The following LPP variants were observed in gnomAD, a reference collection of about 807,000 sequenced individuals.
The protein encoded by LPP is LIM domain containing preferred translocation partner in lipoma.
LPP carries 38 observed loss-of-function variants against 60.4 expected under a neutral mutation model. The observed-to-expected ratio is 0.63, with a 90% CI of 0.49 to 0.83. The LOEUF (loss-of-function observed/expected upper bound fraction) is 0.83. Among genes scored for constraint, LPP ranks in the 40% least tolerant of loss-of-function variants. The pLI is 0.00. For synonymous variants in LPP, 328 were observed against 290.8 expected (o/e 1.13, Z -1.30); for missense variants, 902 against 783.6 (o/e 1.15, Z -1.80).
chr3:188,221,722 TAAGAATATAATAGC>T (rs1395619713), intron 1 of LPP, among the ~76,000 whole-genome samples: 1 of 152,202 alleles, frequency 6.6e-6, no homozygotes, highest in Non-Finnish European at 1.5e-5. Context: ...TTATTTCACT[TAAGAATATAATAGC>T]AAGGTAGAAT....
intron 7 of LPP, among the ~76,000 whole-genome samples, chr3:188,638,111 C>A (rs1407007678): frequency 6.9e-6 from 1 of 144,006 alleles, no homozygotes; most frequent in Non-Finnish European, 1.5e-5. Context: ...TGCAAAAATC[C>A]TCAATAAAAT....
intron 9 of LPP, among the ~76,000 whole-genome samples, chr3:188,780,078 A>G (rs9836491): frequency 0.96 from 146,476 of 152,252 alleles, 70,501 homozygotes; most frequent in East Asian, 1. Context: ...TTAGACTAGA[A>G]CACCTATACG....
At chr3:188,633,990 TG>T (rs1282920236) in intron 7 of LPP, among the ~76,000 whole-genome samples, 2 of 152,078 alleles carry the variant, frequency 1.3e-5, no homozygotes, top group African/African-American at 2.4e-5. Flanking sequence ...AGACCAAAAC[TG>T]TACTACCATC....
chr3:188,451,376 G>C (rs1796552865), intron 4 of LPP, among the ~76,000 whole-genome samples: 1 of 152,154 alleles, frequency 6.6e-6, no homozygotes, highest in South Asian at 2.1e-4. Context: ...GGGTTTCTGA[G>C]TGGGAAAAAA....
At position 188,609,104 on chromosome 3, in the gene LPP, G is replaced by GTTTC; in HGVS notation, c.430-56_430-53dup. The GTTTC allele has an allele frequency of 7.9e-7, 1 of 1,262,616 alleles. No individual in the cohort carries two copies. Among genetic ancestry groups the GTTTC allele is most frequent in the African/African-American group, 1.5e-5 (1 of 65,998 alleles). 78.2% of individuals were successfully genotyped at this position (1,262,616 alleles called of 1,614,324 possible). A position where few individuals can be genotyped will look rare whatever the true frequency, so the allele number is the denominator to read the frequency against. On this transcript the variant is annotated intron_variant, in intron 6 of 11. Coordinates refer to ENST00000617246, the MANE Select transcript of LPP (RefSeq NM_001375462.1). This position sits in a 1 kb window ranked among gnomAD's most constrained non-coding sequence, Gnocchi z 6.9. ...TTTTTCATTTATTCATTTTTATTGA[G>GTTTC]TTTCGTTGGCAGTAATTTTTGCTTT...
intron 6 of LPP, among the ~76,000 whole-genome samples, chr3:188,592,562 T>TTTTTTTTTTTTTTTTTTTTTTTG (rs1560607436): frequency 3.7e-5 from 2 of 53,726 alleles, no homozygotes; most frequent in African/African-American, 5.9e-5. Flanking sequence ...TTTTTGTTTT[T>TTTTTTTTTTTTTTTTTTTTTTTG]TAAATGGAGT....
chr3:188,661,952 T>C (rs1439904706), intron 7 of LPP, among the ~76,000 whole-genome samples: 2 of 152,228 alleles, frequency 1.3e-5, no homozygotes, highest in African/African-American at 4.8e-5. Flanking sequence ...TTTGCATTCT[T>C]AAGTCAAGCT....
intron 2 of LPP, among the ~76,000 whole-genome samples, chr3:188,337,192 C>G (rs1043328151): frequency 6.6e-6 from 1 of 152,108 alleles, no homozygotes; most frequent in African/African-American, 2.4e-5. Flanking sequence ...GTAGCTTAGC[C>G]TTAGTGATGG....
At chr3:188,711,848 G>A (rs918410643) in intron 8 of LPP, 7 of 152,274 alleles carry the variant, frequency 4.6e-5, no homozygotes, top group African/African-American at 1.7e-4. Flanking sequence ...AATCAAGAGA[G>A]AGAAATGGAA....
intron 1 of LPP, among the ~76,000 whole-genome samples, chr3:188,194,284 C>T (rs188613914): frequency 2.0e-5 from 3 of 152,364 alleles, no homozygotes. Context: ...TTCAGCTTTA[C>T]ACCTTTTCTA....
intron 6 of LPP, among the ~76,000 whole-genome samples, chr3:188,530,903 C>A (rs1002613139): frequency 6.6e-6 from 1 of 152,122 alleles, no homozygotes; most frequent in African/African-American, 2.4e-5. Flanking sequence ...AGAAGCTATG[C>A]AGGGGTTGGA....
Position 188,609,180 on chromosome 3 carries a change from C to T in LPP, c.449C>T (p.Ala150Val), listed in dbSNP as rs1348089842. 2.5e-6 allele frequency: 4 copies of T among 1,610,730 alleles called. No individual in the cohort carries two copies. Among genetic ancestry groups the T allele is most frequent in the Non-Finnish European group, 2.5e-6 (3 of 1,177,796 alleles). ...TTTTAGAGCTCCACTGGTTCAACAG[C>T]CTCTCCTCCAGTTTCGACCCCAGTC... Reference protein sequence around the residue: ...RPPQSSTGSTASPPVSTPVTG... With the variant: ...RPPQSSTGSTVSPPVSTPVTG... Residue 150 changes from alanine (A) to valine (V), a missense_variant, in exon 7 of 12, where the codon GCC becomes GTC. Ala to Val is a moderately conservative substitution (Grantham distance 64). Transcript: ENST00000617246. The surrounding 1 kb of genome is among the most constrained non-coding windows in gnomAD (Gnocchi z 6.9).
intron 3 of LPP, among the ~76,000 whole-genome samples, chr3:188,359,798 C>T (rs11709472): frequency 0.36 from 54,099 of 151,984 alleles, 11,381 homozygotes; most frequent in Middle Eastern, 0.6. Context: ...ATGAGATTCT[C>T]CTCTGAAGAG....
chr3:188,612,205 G>C (rs1843861239), intron 7 of LPP, among the ~76,000 whole-genome samples: 1 of 152,110 alleles, frequency 6.6e-6, no homozygotes, highest in Admixed American at 6.5e-5. Context: ...TGATTATTAA[G>C]AGTGGTTAGA....
chr3:188,173,548 C>T (rs1184194070), intron 1 of LPP, among the ~76,000 whole-genome samples: 3 of 151,806 alleles, frequency 2.0e-5, no homozygotes, highest in Admixed American at 2.0e-4. Context: ...CCAACCTGGG[C>T]AGCAGAGTGA....
intron 6 of LPP, among the ~76,000 whole-genome samples, chr3:188,530,811 G>A (rs759470929): frequency 1.3e-5 from 2 of 152,180 alleles, no homozygotes; most frequent in Non-Finnish European, 2.9e-5. Flanking sequence ...TTATGACGTT[G>A]TAACATCTTT....
At chr3:188,773,765 A>T (rs991670880) in intron 9 of LPP, among the ~76,000 whole-genome samples, 1 of 152,212 alleles carries the variant, frequency 6.6e-6, no homozygotes, top group African/African-American at 2.4e-5. Flanking sequence ...TGTTTAGCAT[A>T]ACACATGTAC....
At position 188,163,724 on chromosome 3, in the gene LPP, G is replaced by A. The variant is rs531195447; in HGVS notation, c.-190+9472G>A. Among the ~76,000 whole-genome samples, 184 of 151,288 alleles carry A rather than the reference G, an allele frequency of 1.2e-3. 2 individuals are homozygous for A. The highest frequency in any genetic ancestry group is 1.1e-3 in the African/African-American group (47 of 41,200). On this transcript the variant is annotated intron_variant, in intron 1 of 11. Transcript: ENST00000617246. ...TGGGAGACTGAGTTGGGTGGATCAC[G>A]TGAGGTCAGGAGTTTGAGACCAGCC... is the stretch of plus-strand genomic sequence containing the variant.
At chr3:188,668,922 G>A (rs1359680961) in intron 7 of LPP, among the ~76,000 whole-genome samples, 1 of 152,094 alleles carries the variant, frequency 6.6e-6, no homozygotes, top group Non-Finnish European at 1.5e-5. Flanking sequence ...ATATAACCTT[G>A]TGCATTACTT....
Sources: allele counts gnomAD v4.1 joint callset (sites outside exome capture counted in the v4.1 genomes callset), GRCh38; gene constraint gnomAD v4.1.1; non-coding constraint Gnocchi (gnomAD v3.1); transcripts MANE v1.5; gene names NCBI Gene and HGNC (gene_info 2026-07-23, HGNC 2026-07-21).